The following ROCK1 variants were observed in gnomAD, a reference collection of about 807,000 sequenced individuals.
ROCK1 encodes Rho associated coiled-coil containing protein kinase 1.
In ROCK1, 36 loss-of-function variants were observed where a neutral mutation model predicts 196.8. The observed-to-expected ratio is 0.18, with a 90% confidence interval of 0.14 to 0.24. The LOEUF is 0.24. Ranked by LOEUF, ROCK1 falls within the 10% of genes least tolerant of loss-of-function variation. The probability of loss-of-function intolerance (pLI) is 1.00; values close to 1 mark genes in which losing one functional copy is unlikely to be tolerated. For synonymous variants in ROCK1, 443 were observed against 515.9 expected (o/e 0.86, Z 1.91); for missense variants, 920 against 1,562.0 (o/e 0.59, Z 6.93).
At chr18:20,959,072 TATAA>T (rs1195927960) in intron 29 of ROCK1, among the ~76,000 whole-genome samples, 2 of 45,940 alleles carry the variant, frequency 4.4e-5, no homozygotes, top group African/African-American at 1.3e-4. Flanking sequence ...TTTTATATTA[TATAA>T]TATATATATT....
At chr18:21,017,500 C>G (rs2035874003) in intron 12 of ROCK1, among the ~76,000 whole-genome samples, 1 of 151,846 alleles carries the variant, frequency 6.6e-6, no homozygotes, top group Non-Finnish European at 1.5e-5. Flanking sequence ...TACCACACTT[C>G]TTGATAATTA....
chr18:21,078,545 T>C (rs1598555046), intron 1 of ROCK1, among the ~76,000 whole-genome samples: 1 of 151,828 alleles, frequency 6.6e-6, no homozygotes, highest in African/African-American at 2.4e-5. Context: ...GTGGATGGAG[T>C]TTGAGCTCTG....
chr18:21,107,607 C>A (rs1008004955), intron 1 of ROCK1, among the ~76,000 whole-genome samples: 2 of 152,124 alleles, frequency 1.3e-5, no homozygotes, highest in African/African-American at 4.8e-5. Context: ...AACAGACTCA[C>A]TGAAAAAGCT....
Position 21,054,579 on chromosome 18 carries a change from T to C in ROCK1, c.176-4699A>G, listed in dbSNP as rs750824200. Among the ~76,000 whole-genome samples the C allele has an allele frequency of 5.3e-5, 8 of 152,258 alleles. No homozygotes were observed. In the South Asian group the frequency reaches 1.7e-3, roughly 32 times the overall value. ...CTGCTAGCTTTGATTTTCATTATATTAGGTTGTATTTCCCACCTCTCATTG... is the reference window on the plus strand; with the variant it reads ...CTGCTAGCTTTGATTTTCATTATATCAGGTTGTATTTCCCACCTCTCATTG... On this transcript the variant is annotated intron_variant, in intron 2 of 32. Transcript: ENST00000399799.
chr18:21,039,337 G>A, intron 9 of ROCK1, 135 bp downstream of exon 9: 1 of 648,924 alleles, frequency 1.5e-6, no homozygotes, highest in Admixed American at 2.8e-5. Context: ...TAATAGGTTA[G>A]GACAATTCCC....
At chr18:21,068,143 C>T (rs1393925792) in intron 2 of ROCK1, among the ~76,000 whole-genome samples, 1 of 152,128 alleles carries the variant, frequency 6.6e-6, no homozygotes, top group African/African-American at 2.4e-5. Flanking sequence ...AAAAACTTGC[C>T]TAAGGAAAGT....
intron 1 of ROCK1, among the ~76,000 whole-genome samples, chr18:21,073,971 A>C (rs2036408949): frequency 6.6e-6 from 1 of 152,108 alleles, no homozygotes; most frequent in Non-Finnish European, 1.5e-5. Flanking sequence ...TAGACAACAT[A>C]GCAAGACCCT....
At chr18:21,110,125 C>G (rs1440372556) in intron 1 of ROCK1, among the ~76,000 whole-genome samples, 1 of 152,078 alleles carries the variant, frequency 6.6e-6, no homozygotes, top group African/African-American at 2.4e-5. Flanking sequence ...TCATAAAACC[C>G]TCTTTAGAAT....
At chr18:21,070,426 T>A (rs2036374073) in intron 2 of ROCK1, 106 bp downstream of exon 2, 2 of 612,584 alleles carry the variant, frequency 3.3e-6, no homozygotes, top group Middle Eastern at 3.8e-4. Context: ...AAATCATTGA[T>A]GAAATCACCA....
intron 2 of ROCK1, among the ~76,000 whole-genome samples, chr18:21,057,032 A>T (rs2036250026): frequency 6.6e-6 from 1 of 152,196 alleles, no homozygotes; most frequent in Admixed American, 6.5e-5. Flanking sequence ...ATCCTTCTTA[A>T]ACTGTTGTAT....
intron 13 of ROCK1, among the ~76,000 whole-genome samples, chr18:21,012,921 C>A (rs1439532354): frequency 6.6e-6 from 1 of 152,120 alleles, no homozygotes; most frequent in Non-Finnish European, 1.5e-5. Context: ...GCTGCTGACA[C>A]CATCTATTGA....
chr18:20,977,646 A>T (rs1456999054), intron 22 of ROCK1, among the ~76,000 whole-genome samples: 2 of 152,220 alleles, frequency 1.3e-5, no homozygotes, highest in East Asian at 1.9e-4. Flanking sequence ...AATACTGGTG[A>T]TCCATATATT....
chr18:20,967,110 A>C, intron 26 of ROCK1, 34 bp from the exon 27 acceptor site: 1 of 1,437,794 alleles, frequency 7.0e-7, no homozygotes, highest in Non-Finnish European at 9.6e-7. Flanking sequence ...AATATAATCA[A>C]GCTAAAACAA....
chr18:20,971,286 G>A (rs1462634941), intron 22 of ROCK1, among the ~76,000 whole-genome samples: 7 of 146,098 alleles, frequency 4.8e-5, no homozygotes, highest in Non-Finnish European at 1.0e-4. Context: ...AGCCTCAAGA[G>A]GGAGACATAT....
intron 1 of ROCK1, among the ~76,000 whole-genome samples, chr18:21,080,802 C>T (rs931897012): frequency 6.6e-6 from 1 of 152,032 alleles, no homozygotes; most frequent in African/African-American, 2.4e-5. Context: ...AATATATTAT[C>T]ATAAATTTAT....
intron 1 of ROCK1, among the ~76,000 whole-genome samples, chr18:21,107,474 ATAAG>A (rs1297018712): frequency 7.2e-5 from 11 of 152,230 alleles, no homozygotes; most frequent in Non-Finnish European, 1.5e-4. Context: ...ATACACACTA[ATAAG>A]TAAGTATCAG....
chr18:21,086,622 T>G (rs2036530426), intron 1 of ROCK1, among the ~76,000 whole-genome samples: 1 of 151,958 alleles, frequency 6.6e-6, no homozygotes, highest in Non-Finnish European at 1.5e-5. Context: ...CTAAAACAAA[T>G]GATGGCTAAA....
intron 18 of ROCK1, among the ~76,000 whole-genome samples, chr18:20,988,444 C>A (rs1049806795): frequency 6.6e-6 from 1 of 152,136 alleles, no homozygotes; most frequent in Admixed American, 6.6e-5. Context: ...GTGTTTACAG[C>A]GTATAGCTTT....
At chr18:21,013,427 T>C (rs2143449564) in intron 13 of ROCK1, among the ~76,000 whole-genome samples, 1 of 152,290 alleles carries the variant, frequency 6.6e-6, no homozygotes, top group Admixed American at 6.5e-5. Context: ...GAGTGCACCA[T>C]GGCTGCTCCT....
Sources: gnomAD v4.1 joint callset for allele counts (sites outside exome capture counted in the v4.1 genomes callset) on GRCh38, gnomAD v4.1.1 for gene constraint, MANE v1.5 for transcripts, NCBI Gene and HGNC (gene_info 2026-07-23, HGNC 2026-07-21) for gene names.